The following PRKCE variants were observed in gnomAD, a reference collection of about 807,000 sequenced individuals.
The protein encoded by PRKCE is protein kinase C epsilon type.
A neutral mutation model predicts 85.4 loss-of-function variants in PRKCE; 16 were observed. That is an observed-to-expected ratio of 0.19 (90% CI 0.13 to 0.28). PRKCE has a LOEUF of 0.28. Ranked by LOEUF, PRKCE falls within the 10% of genes least tolerant of loss-of-function variation. The pLI, the probability that PRKCE is intolerant of heterozygous loss-of-function variation, is 1.00. For missense variants in PRKCE, 573 were observed against 975.2 expected (o/e 0.59, Z 5.49); for synonymous variants, 388 against 371.5 (o/e 1.04, Z -0.51).
intron 2 of PRKCE, among the ~76,000 whole-genome samples, chr2:45,908,342 C>T (rs1206662326): frequency 1.3e-5 from 2 of 152,182 alleles, no homozygotes; most frequent in African/African-American, 4.8e-5. Context: ...CAATACACAG[C>T]CAGAAACGGA....
At chr2:46,110,165 C>A (rs1403556271) in intron 11 of PRKCE, among the ~76,000 whole-genome samples, 2 of 152,066 alleles carry the variant, frequency 1.3e-5, no homozygotes, top group African/African-American at 4.8e-5. Flanking sequence ...CTTGTAATAT[C>A]TTTGTCTGGT....
intron 11 of PRKCE, among the ~76,000 whole-genome samples, chr2:46,127,399 C>T (rs979455111): frequency 5.3e-5 from 8 of 152,224 alleles, no homozygotes; most frequent in Non-Finnish European, 1.2e-4. Flanking sequence ...AAACCAGCAT[C>T]TGATCCTAAC....
rs1675143352 is a variant in PRKCE at position 45,651,905 on chromosome 2, A to T, written c.-196A>T. ...TCCCCCCTCCCTGTTTTCCGTTAGG[A>T]ACCCGGCGAGGAAATACATGCACTG... On this transcript the variant is annotated 5_prime_UTR_variant, in exon 1 of 15. Coordinates refer to ENST00000306156, the MANE Select transcript of PRKCE (RefSeq NM_005400.3). The T allele has an allele frequency of 2.0e-6, 1 of 496,020 alleles. No individual in the cohort carries two copies. Among genetic ancestry groups the T allele is most frequent in the South Asian group, 3.6e-5 (1 of 27,466 alleles). The allele number at this position is 496,020 out of a possible 1,614,324, so 30.7% of individuals were successfully genotyped here. A position where few individuals can be genotyped will look rare whatever the true frequency, so the allele number is the denominator to read the frequency against.
In PRKCE at chr2:45,976,411, G is replaced by GC; in HGVS notation, c.413-17dup. On this transcript the variant is annotated splice_polypyrimidine_tract_variant and intron_variant, in intron 2 of 14. Transcript: ENST00000306156. Reference sequence around the variant, plus strand: ...TAACCCAGACTCCGTTTTCTTCCCTGCTCTTGTCCTTCCCCAGCCCCTAAA... The same window carrying GC: ...TAACCCAGACTCCGTTTTCTTCCCTGCCTCTTGTCCTTCCCCAGCCCCTAAA... 6.3e-7 allele frequency: 1 copy of GC among 1,597,786 alleles called. No individual in the cohort carries two copies. Among genetic ancestry groups the GC allele is most frequent in the African/African-American group, 1.3e-5 (1 of 75,012 alleles).
intron 1 of PRKCE, among the ~76,000 whole-genome samples, chr2:45,698,734 CATCTGGAAAAACAGCCA>C (rs1230477082): frequency 2.0e-5 from 3 of 152,114 alleles, no homozygotes; most frequent in Non-Finnish European, 4.4e-5. Flanking sequence ...CCTAGGAAGC[CATCTGGAAAAACAGCCA>C]ATCTGAGAAT....
At position 45,907,912 on chromosome 2, in the gene PRKCE, A is replaced by T. The variant is rs1037174815; in HGVS notation, c.412+64849A>T. ...TGTTAAACAAAACGCCTTGTCCAGA[A>T]TGATCTCCCATGCCCCTCCCAGTTT... On this transcript the variant is annotated intron_variant, in intron 2 of 14. Transcript: ENST00000306156. The surrounding 1 kb of genome is among the most constrained non-coding windows in gnomAD (Gnocchi z 4.5). 3.3e-5 allele frequency among the ~76,000 whole-genome samples: 5 copies of T among 152,194 alleles called. No individual in the cohort carries two copies. Among genetic ancestry groups the T allele is most frequent in the African/African-American group, 1.2e-4 (5 of 41,442 alleles).
At chr2:46,085,755 G>GTTTTTT (rs869284473) in intron 10 of PRKCE, among the ~76,000 whole-genome samples, 6 of 21,560 alleles carry the variant, frequency 2.8e-4, no homozygotes, top group Admixed American at 6.5e-4. Context: ...TTTTGTTTTT[G>GTTTTTT]TTTTTTTTTT....
chr2:45,884,991 A>ATTTTTTTT (rs1323692604), intron 2 of PRKCE, among the ~76,000 whole-genome samples: 1 of 57,732 alleles, frequency 1.7e-5, no homozygotes, highest in East Asian at 1.4e-3. Context: ...ATATATATAT[A>ATTTTTTTT]TATATATATA....
intron 10 of PRKCE, among the ~76,000 whole-genome samples, chr2:46,017,664 A>G (rs944228797): frequency 1.3e-5 from 2 of 152,216 alleles, no homozygotes; most frequent in Non-Finnish European, 2.9e-5. Context: ...TTACATTCCC[A>G]TCAACAGTGC....
intron 14 of PRKCE, among the ~76,000 whole-genome samples, chr2:46,168,714 A>C (rs1356602716): frequency 6.6e-6 from 1 of 152,200 alleles, no homozygotes; most frequent in Admixed American, 6.5e-5. Flanking sequence ...CCTGACTCCT[A>C]ACAGGATGCT....
chr2:45,963,968 G>T (rs1701560893), intron 2 of PRKCE, among the ~76,000 whole-genome samples: 1 of 152,214 alleles, frequency 6.6e-6, no homozygotes, highest in African/African-American at 2.4e-5. Context: ...TGGGAGCCTT[G>T]TGACGTCGAA....
At chr2:45,732,146 C>CT (rs200131599) in intron 1 of PRKCE, among the ~76,000 whole-genome samples, 2,694 of 151,846 alleles carry the variant, frequency 0.018, 45 homozygotes, top group Middle Eastern at 0.027. Context: ...TTTATGAGAG[C>CT]TTTTTTTTGG....
intron 2 of PRKCE, among the ~76,000 whole-genome samples, chr2:45,958,793 T>TATAG (rs1338653082): frequency 6.1e-5 from 1 of 16,280 alleles, no homozygotes; most frequent in South Asian, 4.7e-3. Flanking sequence ...CTTTAAAACA[T>TATAG]ATATATATAT....
chr2:45,948,690 T>A (rs932898717), intron 2 of PRKCE, among the ~76,000 whole-genome samples: 1 of 152,066 alleles, frequency 6.6e-6, no homozygotes, highest in Admixed American at 6.6e-5. Context: ...AACATCAGAG[T>A]CAGTTCAAGT....
chr2:46,100,029 G>T (rs943435401), intron 11 of PRKCE, among the ~76,000 whole-genome samples: 1 of 152,112 alleles, frequency 6.6e-6, no homozygotes, highest in Non-Finnish European at 1.5e-5. Flanking sequence ...TCTCCTTGCT[G>T]GGTCTCAGTT....
At chr2:45,770,160 C>A (rs562708019) in intron 1 of PRKCE, among the ~76,000 whole-genome samples, 2 of 152,348 alleles carry the variant, frequency 1.3e-5, no homozygotes, top group African/African-American at 4.8e-5. Context: ...TGCTCCAGCC[C>A]TCTCTCGGAC....
chr2:45,966,805 G>A (rs114720062), intron 2 of PRKCE, among the ~76,000 whole-genome samples: 1 of 152,130 alleles, frequency 6.6e-6, no homozygotes, highest in African/African-American at 2.4e-5. Context: ...GGTAACATCT[G>A]GGGGTAGCTG....
intron 10 of PRKCE, among the ~76,000 whole-genome samples, chr2:46,011,920 G>A (rs1705712920): frequency 6.6e-6 from 1 of 152,170 alleles, no homozygotes; most frequent in Non-Finnish European, 1.5e-5. Flanking sequence ...TATCTTTCAA[G>A]ATGGACACAT....
At chr2:45,906,530 A>G (rs1558818326) in intron 2 of PRKCE, among the ~76,000 whole-genome samples, 1 of 152,150 alleles carries the variant, frequency 6.6e-6, no homozygotes, top group Non-Finnish European at 1.5e-5. Flanking sequence ...GAAGAGGGGG[A>G]CGGGTTTCCA....
Sources: allele counts gnomAD v4.1 joint callset (sites outside exome capture counted in the v4.1 genomes callset), GRCh38; gene constraint gnomAD v4.1.1; non-coding constraint Gnocchi (gnomAD v3.1); transcripts MANE v1.5; gene names NCBI Gene and HGNC (gene_info 2026-07-23, HGNC 2026-07-21).